Variants in TET1 observed in about 807,000 individuals in gnomAD.
The protein encoded by TET1 is methylcytosine dioxygenase TET1.
Under a neutral mutation model 148.7 loss-of-function variants are expected in TET1, and 13 were observed. That is an observed-to-expected ratio of 0.09 (90% CI 0.06 to 0.14). The LOEUF (loss-of-function observed/expected upper bound fraction) is 0.14. Among genes scored for constraint, TET1 ranks in the 10% least tolerant of loss-of-function variants. The pLI is 1.00. For synonymous variants in TET1, 907 were observed against 937.2 expected, an observed-to-expected ratio of 0.97 and a Z score of 0.59; for missense variants, 2,182 against 2,553.8, an observed-to-expected ratio of 0.85 and a Z score of 3.14.
chr10:68,632,360 G>A (rs1167280699), intron 3 of TET1: 11 of 1,590,894 alleles, frequency 6.9e-6, no homozygotes, highest in Non-Finnish European at 3.4e-6. Context: ...TGGAGTCGCG[G>A]AGTAGTCCTC....
chr10:68,667,377 T>A, intron 7 of TET1, 121 bp downstream of exon 7: 2 of 855,734 alleles, frequency 2.3e-6, no homozygotes, highest in Non-Finnish European at 3.6e-6. Flanking sequence ...TATTGTGGAA[T>A]TAAAAAGAAT....
intron 2 of TET1, among the ~76,000 whole-genome samples, chr10:68,586,602 G>A (rs1050398317): frequency 5.3e-4 from 79 of 150,092 alleles, no homozygotes; most frequent in African/African-American, 1.8e-3. Context: ...CAAAGTGCTG[G>A]TATTACAGGC....
intron 3 of TET1, among the ~76,000 whole-genome samples, chr10:68,605,297 A>AC (rs374817086): frequency 1.3e-5 from 2 of 151,760 alleles, no homozygotes; most frequent in Non-Finnish European, 2.9e-5. Context: ...ACATAGAGAA[A>AC]CCCCCATCTC....
At chr10:68,643,203 G>A (rs963912890) in intron 3 of TET1, among the ~76,000 whole-genome samples, 4 of 142,140 alleles carry the variant, frequency 2.8e-5, no homozygotes, top group Non-Finnish European at 6.0e-5. Flanking sequence ...TTGAAGCCAC[G>A]GTGAACTGTG....
chr10:68,607,425 T>G (rs1482649270), intron 3 of TET1, among the ~76,000 whole-genome samples: 1 of 152,032 alleles, frequency 6.6e-6, no homozygotes. Flanking sequence ...TTTTTTGTTT[T>G]TTTTGTTTGT....
intron 6 of TET1, among the ~76,000 whole-genome samples, chr10:68,662,894 C>T (rs2055142630): frequency 6.6e-6 from 1 of 152,002 alleles, no homozygotes; most frequent in Non-Finnish European, 1.5e-5. Flanking sequence ...GCACTCCAGC[C>T]AAGGTGACAT....
intron 3 of TET1, among the ~76,000 whole-genome samples, chr10:68,620,239 A>G (rs935880549): frequency 6.6e-6 from 1 of 152,170 alleles, no homozygotes; most frequent in Non-Finnish European, 1.5e-5. Context: ...ACATTCACCA[A>G]TGTGCATCTA....
chr10:68,637,038 ACCC>A (rs2054663095), intron 3 of TET1, among the ~76,000 whole-genome samples: 1 of 150,520 alleles, frequency 6.6e-6, no homozygotes, highest in Non-Finnish European at 1.5e-5. Context: ...TTGCTCTGTC[ACCC>A]AGGCTGGAGT....
chr10:68,632,311 G>C (rs1212835647), intron 3 of TET1: 2 of 1,396,652 alleles, frequency 1.4e-6, no homozygotes, highest in African/African-American at 2.8e-5. Flanking sequence ...GACAGAGCCA[G>C]ATTCCCTTTC....
chr10:68,661,287 A>T, intron 6 of TET1, among the ~76,000 whole-genome samples: 1 of 140,276 alleles, frequency 7.1e-6, no homozygotes, highest in South Asian at 2.2e-4. Flanking sequence ...TGACCTCGTG[A>T]TCCGCCCGCC....
rs1265251076 is a variant in TET1, at chr10:68,560,344, G to C, written c.-521G>C. Among the ~76,000 whole-genome samples the C allele has an allele frequency of 6.6e-6, 1 of 152,318 alleles. No individual in the cohort carries two copies. The highest frequency in any genetic ancestry group is 2.1e-4 in the South Asian group (1 of 4,824). Reference sequence around the variant, plus strand: ...AGGCAGAGCCCCAGCTTCACTCCCTGAGGTCTGTCCTGGGGAGACACTGCT... The same window carrying C: ...AGGCAGAGCCCCAGCTTCACTCCCTCAGGTCTGTCCTGGGGAGACACTGCT... On this transcript the variant is annotated 5_prime_UTR_variant, in exon 1 of 12. Coordinates refer to ENST00000373644, the MANE Select transcript of TET1 (RefSeq NM_030625.3).
intron 2 of TET1, among the ~76,000 whole-genome samples, chr10:68,584,374 G>A (rs2053836398): frequency 6.6e-6 from 1 of 151,220 alleles, no homozygotes; most frequent in African/African-American, 2.4e-5. Context: ...ATACATATGA[G>A]TCAGCCTATT....
intron 2 of TET1, among the ~76,000 whole-genome samples, chr10:68,596,021 C>CATATAT (rs1271069239): frequency 1.2e-3 from 128 of 102,726 alleles, no homozygotes; most frequent in African/African-American, 5.2e-3. Context: ...CACACACACA[C>CATATAT]ACACACATAT....
At chr10:68,629,395 G>A (rs959397420) in intron 3 of TET1, among the ~76,000 whole-genome samples, 1 of 151,686 alleles carries the variant, frequency 6.6e-6, no homozygotes, top group Admixed American at 6.6e-5. Flanking sequence ...AAATAAAAAT[G>A]TAGCATCAAA....
chr10:68,626,807 C>T (rs2054490120), intron 3 of TET1, among the ~76,000 whole-genome samples: 2 of 152,054 alleles, frequency 1.3e-5, no homozygotes, highest in Non-Finnish European at 2.9e-5. Context: ...CCTCAGACTC[C>T]CAAAGTGCTG....
At chr10:68,580,962 T>C (rs1265794289) in intron 2 of TET1, among the ~76,000 whole-genome samples, 1 of 151,940 alleles carries the variant, frequency 6.6e-6, no homozygotes, top group African/African-American at 2.4e-5. Flanking sequence ...AGTGAGACTG[T>C]GTCTCAGAAA....
At chr10:68,647,081 C>T in intron 4 of TET1, 76 bp downstream of exon 4, 1 of 1,441,096 alleles carries the variant, frequency 6.9e-7, no homozygotes, top group African/African-American at 1.4e-5. Flanking sequence ...AATTCTGATT[C>T]ATCTTTTTTG....
chr10:68,614,794 A>T (rs1168315737), intron 3 of TET1, among the ~76,000 whole-genome samples: 1 of 151,910 alleles, frequency 6.6e-6, no homozygotes, highest in East Asian at 1.9e-4. Flanking sequence ...GGGTTTTTTC[A>T]TGTTGCCCAG....
intron 11 of TET1, among the ~76,000 whole-genome samples, chr10:68,690,126 ATAGT>A (rs1259214641): frequency 6.6e-6 from 1 of 152,212 alleles, no homozygotes; most frequent in Non-Finnish European, 1.5e-5. Flanking sequence ...ATATCTTTGA[ATAGT>A]TAAATATTGC....
Sources: gnomAD v4.1 joint callset for allele counts (sites outside exome capture counted in the v4.1 genomes callset) on GRCh38, gnomAD v4.1.1 for gene constraint, MANE v1.5 for transcripts, NCBI Gene and HGNC (gene_info 2026-07-23, HGNC 2026-07-21) for gene names.